WWOX: variants seen among roughly 807,000 people sequenced by gnomAD.
WWOX encodes the protein WW domain containing oxidoreductase.
A neutral mutation model predicts 46.2 loss-of-function variants in WWOX; 69 were observed. That is an observed-to-expected ratio of 1.49 (90% CI 1.23 to 1.82). The LOEUF (loss-of-function observed/expected upper bound fraction) is 1.82, where lower values mean the gene tolerates loss of function less well. Ranked by LOEUF, WWOX falls within the 40% of genes most tolerant of loss-of-function variation. The pLI is 0.00. For synonymous variants in WWOX, 359 were observed against 202.6 expected, an observed-to-expected ratio of 1.77 and a Z score of -6.56; for missense variants, 919 against 542.6, an observed-to-expected ratio of 1.69 and a Z score of -6.89.
At chr16:78,646,511 CCT>C (rs1411296217) in intron 8 of WWOX, among the ~76,000 whole-genome samples, 1 of 151,946 alleles carries the variant, frequency 6.6e-6, no homozygotes, top group African/African-American at 2.4e-5. Flanking sequence ...CACTGCATCC[CCT>C]GTCTCCCGGA....
intron 8 of WWOX, among the ~76,000 whole-genome samples, chr16:78,677,551 G>C (rs549472867): frequency 2.6e-5 from 4 of 152,266 alleles, no homozygotes; most frequent in African/African-American, 9.6e-5. Context: ...AGGAGGAATA[G>C]TTATGGGTCC....
intron 5 of WWOX, among the ~76,000 whole-genome samples, chr16:78,383,458 C>T (rs1016878888): frequency 6.6e-6 from 1 of 152,138 alleles, no homozygotes; most frequent in Non-Finnish European, 1.5e-5. Context: ...GTTGCAGATT[C>T]ACTGCCAGAC....
chr16:78,686,015 G>T (rs1034497587), intron 8 of WWOX, among the ~76,000 whole-genome samples: 17 of 152,110 alleles, frequency 1.1e-4, no homozygotes, highest in Non-Finnish European at 2.1e-4. Context: ...AAACAAAAGG[G>T]CAGGAAAGGA....
chr16:78,919,202 T>G (rs1406931388), intron 8 of WWOX, among the ~76,000 whole-genome samples: 1 of 152,118 alleles, frequency 6.6e-6, no homozygotes, highest in Non-Finnish European at 1.5e-5. Flanking sequence ...TATTCTCTTA[T>G]GTGTATTCAT....
At position 78,940,074 on chromosome 16, in the gene WWOX, A is replaced by C. The variant is rs570658062; in HGVS notation, c.1057-271534A>C. ...CGTTACTTTCATCCCATTATACAAA[A>C]ATGCATTTGAGGTGGTCATCATTTT... On this transcript the variant is annotated intron_variant, in intron 8 of 8. Transcript: ENST00000566780. Among the ~76,000 whole-genome samples, 45 of 152,336 alleles carry C rather than the reference A, an allele frequency of 3.0e-4. 1 individual carries two copies. Among genetic ancestry groups the C allele is most frequent in the African/African-American group, 1.1e-3 (44 of 41,578 alleles).
At chr16:78,599,614 C>G (rs2045573694) in intron 8 of WWOX, among the ~76,000 whole-genome samples, 1 of 152,206 alleles carries the variant, frequency 6.6e-6, no homozygotes, top group Non-Finnish European at 1.5e-5. Flanking sequence ...AGAAATGCAG[C>G]AAAACCCAGG....
chr16:78,404,361 C>T (rs1230771324), intron 6 of WWOX, among the ~76,000 whole-genome samples: 1 of 151,940 alleles, frequency 6.6e-6, no homozygotes, highest in Non-Finnish European at 1.5e-5. Context: ...AAGGTGACTT[C>T]AGATACCACC....
At chr16:78,926,986 G>T (rs1352092856) in intron 8 of WWOX, among the ~76,000 whole-genome samples, 1 of 152,082 alleles carries the variant, frequency 6.6e-6, no homozygotes, top group African/African-American at 2.4e-5. Context: ...TGTAGAGATG[G>T]GGTTTTGGCA....
intron 8 of WWOX, among the ~76,000 whole-genome samples, chr16:78,698,796 A>G (rs1455912703): frequency 6.6e-6 from 1 of 152,178 alleles, no homozygotes; most frequent in African/African-American, 2.4e-5. Context: ...AGCTATGACT[A>G]TACCTGTGAC....
intron 8 of WWOX, among the ~76,000 whole-genome samples, chr16:78,532,759 A>G (rs1011951366): frequency 2.0e-5 from 3 of 151,626 alleles, no homozygotes; most frequent in African/African-American, 7.3e-5. Context: ...AGATTCCTTG[A>G]GACTTATTTG....
intron 5 of WWOX, among the ~76,000 whole-genome samples, chr16:78,262,087 G>A (rs1222198900): frequency 5.4e-5 from 3 of 55,414 alleles, no homozygotes; most frequent in East Asian, 6.7e-4. Context: ...AAGAGTGAAT[G>A]AAACTCTGTC....
chr16:78,687,826 G>GCT (rs2047897481), intron 8 of WWOX, among the ~76,000 whole-genome samples: 1 of 152,128 alleles, frequency 6.6e-6, no homozygotes, highest in Non-Finnish European at 1.5e-5. Flanking sequence ...AATCCCTGAA[G>GCT]CTCTCAAGTA....
chr16:78,542,699 A>G (rs1313893726), intron 8 of WWOX, among the ~76,000 whole-genome samples: 1 of 152,182 alleles, frequency 6.6e-6, no homozygotes, highest in Non-Finnish European at 1.5e-5. Flanking sequence ...TTAAATAGAC[A>G]ATTCTTCTAT....
At position 78,654,133 on chromosome 16, in the gene WWOX, C is replaced by G. The variant is rs141683469; in HGVS notation, c.1056+221381C>G. 3.9e-3 allele frequency among the ~76,000 whole-genome samples: 589 copies of G among 152,308 alleles called. 4 individuals carry two copies. Among genetic ancestry groups the G allele is most frequent in the African/African-American group, 0.013 (549 of 41,572 alleles). ...ACTCTCAAAGGCCAGGGTCTGGACT[C>G]AAGATGAGCACAGGATTTAGAATCA... On this transcript the variant is annotated intron_variant, in intron 8 of 8. Transcript: ENST00000566780.
chr16:78,792,912 G>A (rs977367255), intron 8 of WWOX, among the ~76,000 whole-genome samples: 1 of 152,130 alleles, frequency 6.6e-6, no homozygotes, highest in Non-Finnish European at 1.5e-5. Flanking sequence ...ACAGACAGAA[G>A]GAAAGACGCA....
At chr16:79,019,147 G>A (rs8064141) in intron 8 of WWOX, among the ~76,000 whole-genome samples, 47,598 of 111,602 alleles carry the variant, frequency 0.43, 9,803 homozygotes, top group East Asian at 0.6. Context: ...AGCAGAGTGC[G>A]ACCTTGTCTC....
intron 5 of WWOX, among the ~76,000 whole-genome samples, chr16:78,219,994 C>T (rs2036839206): frequency 6.6e-6 from 1 of 152,184 alleles, no homozygotes; most frequent in Non-Finnish European, 1.5e-5. Flanking sequence ...TCTCCTGAAT[C>T]ATTACCAGTA....
rs566097180 is a variant in WWOX at position 79,013,966 on chromosome 16, G to A, written c.1057-197642G>A. Among the ~76,000 whole-genome samples the A allele has an allele frequency of 6.6e-5, 10 of 152,244 alleles. No individual in the cohort carries two copies. The South Asian group carries it at 1.0e-3, about 16-fold the overall frequency. On this transcript the variant is annotated intron_variant, in intron 8 of 8. Coordinates refer to ENST00000566780, the MANE Select transcript of WWOX (RefSeq NM_016373.4). ...AGAGAGGAAGAGAGGATGCTCCGCC[G>A]CCTGTAAGGATTTTTTGCTCTCCTC...
At chr16:78,876,590 G>T (rs577392545) in intron 8 of WWOX, among the ~76,000 whole-genome samples, 1 of 151,308 alleles carries the variant, frequency 6.6e-6, no homozygotes, top group South Asian at 2.1e-4. Context: ...TAATGCTTTC[G>T]ACTTATTTTG....
Sources: allele counts gnomAD v4.1 joint callset (sites outside exome capture counted in the v4.1 genomes callset), GRCh38; gene constraint gnomAD v4.1.1; transcripts MANE v1.5; gene names NCBI Gene and HGNC (gene_info 2026-07-23, HGNC 2026-07-21).